Variants in MDGA2 observed in about 807,000 individuals in gnomAD.
The protein encoded by MDGA2 is MAM domain containing glycosylphosphatidylinositol anchor 2.
Under a neutral mutation model 117.8 loss-of-function variants are expected in MDGA2, and 40 were observed. That is an observed-to-expected ratio of 0.34 (90% CI 0.26 to 0.44). MDGA2 has a LOEUF of 0.44. Ranked by LOEUF, MDGA2 falls within the 20% of genes least tolerant of loss-of-function variation. The probability of loss-of-function intolerance (pLI) is 1.00; values close to 1 mark genes in which losing one functional copy is unlikely to be tolerated. For synonymous variants in MDGA2, 452 were observed against 439.0 expected, an observed-to-expected ratio of 1.03 and a Z score of -0.37; for missense variants, 1,123 against 1,250.6, an observed-to-expected ratio of 0.90 and a Z score of 1.54.
chr14:46,997,423 A>G (rs1887336416), intron 8 of MDGA2, among the ~76,000 whole-genome samples: 1 of 152,212 alleles, frequency 6.6e-6, no homozygotes. Flanking sequence ...AGAAATTACA[A>G]ATAAGCTTGT....
chr14:46,873,013 T>C (rs1882074300), intron 14 of MDGA2, among the ~76,000 whole-genome samples: 1 of 151,972 alleles, frequency 6.6e-6, no homozygotes, highest in Non-Finnish European at 1.5e-5. Context: ...CACACCAACG[T>C]TTCAAATATG....
At chr14:46,904,437 C>T (rs1164692197) in intron 10 of MDGA2, among the ~76,000 whole-genome samples, 1 of 150,790 alleles carries the variant, frequency 6.6e-6, no homozygotes, top group Non-Finnish European at 1.5e-5. Context: ...ATTATTGATA[C>T]TGGCATTAAT....
At chr14:46,931,249 T>C (rs539197706) in intron 9 of MDGA2, among the ~76,000 whole-genome samples, 166 of 151,756 alleles carry the variant, frequency 1.1e-3, no homozygotes, top group African/African-American at 3.8e-3. Flanking sequence ...CAAAATCTTT[T>C]TATTGAGATA....
intron 1 of MDGA2, among the ~76,000 whole-genome samples, chr14:47,323,280 T>A (rs1890044043): frequency 6.6e-6 from 1 of 150,998 alleles, no homozygotes. Context: ...AAATGACTTG[T>A]GGCTTGACTT....
intron 5 of MDGA2, among the ~76,000 whole-genome samples, chr14:47,113,176 A>C (rs914093845): frequency 6.6e-6 from 1 of 152,182 alleles, no homozygotes; most frequent in Non-Finnish European, 1.5e-5. Flanking sequence ...ATCAGAGAAT[A>C]CTATAAACAC....
At chr14:47,359,648 G>A (rs1891070810) in intron 1 of MDGA2, among the ~76,000 whole-genome samples, 1 of 143,162 alleles carries the variant, frequency 7.0e-6, no homozygotes, top group African/African-American at 2.7e-5. Flanking sequence ...CTACTCTGGA[G>A]GCTGAGGCAG....
At chr14:47,269,337 G>T (rs984899559) in intron 2 of MDGA2, among the ~76,000 whole-genome samples, 1 of 152,096 alleles carries the variant, frequency 6.6e-6, no homozygotes, top group Admixed American at 6.6e-5. Context: ...CATAAAGTCA[G>T]TTACTTTCTC....
At chr14:47,644,353 G>A (rs1897485563) in intron 1 of MDGA2, among the ~76,000 whole-genome samples, 1 of 152,148 alleles carries the variant, frequency 6.6e-6, no homozygotes. Flanking sequence ...TAAAGAAAAT[G>A]TGATATATAT....
intron 8 of MDGA2, among the ~76,000 whole-genome samples, chr14:46,997,583 C>T (rs529731830): frequency 2.0e-5 from 3 of 152,228 alleles, no homozygotes; most frequent in South Asian, 4.1e-4. Context: ...AAGAAACCCA[C>T]TAACCCCTGC....
intron 9 of MDGA2, among the ~76,000 whole-genome samples, chr14:46,940,564 GC>G (rs1159702715): frequency 2.6e-5 from 4 of 151,324 alleles, no homozygotes; most frequent in Non-Finnish European, 5.9e-5. Flanking sequence ...GGGGGTGGAG[GC>G]TGCAGTGAGC....
chr14:47,226,314 G>A (rs181784995), intron 2 of MDGA2, among the ~76,000 whole-genome samples: 6 of 151,970 alleles, frequency 3.9e-5, no homozygotes, highest in African/African-American at 1.2e-4. Flanking sequence ...CTCACTATGC[G>A]GAAAACAGAA....
At chr14:47,107,710 C>A (rs934900055) in intron 5 of MDGA2, among the ~76,000 whole-genome samples, 1 of 151,532 alleles carries the variant, frequency 6.6e-6, no homozygotes, top group African/African-American at 2.4e-5. Flanking sequence ...CAACTCCTTT[C>A]CTTCCTAGGC....
chr14:47,098,202 T>C (rs1467007614), intron 5 of MDGA2, among the ~76,000 whole-genome samples: 2 of 148,920 alleles, frequency 1.3e-5, no homozygotes, highest in Non-Finnish European at 3.0e-5. Context: ...AGTTGAGGAG[T>C]GTTTTACTCA....
chr14:47,112,115 G>C (rs1419941861), intron 5 of MDGA2, among the ~76,000 whole-genome samples: 1 of 151,768 alleles, frequency 6.6e-6, no homozygotes, highest in Non-Finnish European at 1.5e-5. Context: ...CAATGGCAAA[G>C]TTTATTCAAC....
intron 1 of MDGA2, among the ~76,000 whole-genome samples, chr14:47,453,473 G>A (rs4898568): frequency 0.32 from 48,875 of 151,802 alleles, 8,352 homozygotes; most frequent in East Asian, 0.58. Flanking sequence ...AAAGATAACC[G>A]AAATAAGTAT....
chr14:47,301,416 G>T lies in MDGA2; in HGVS notation c.415C>A (p.Pro139Thr), dbSNP rs1158174718. ...LTCLVTGHPR[P>T]QIRWTKTAGS... ...TGTCACAGTTCGGGACTCACCTGTGGACGTGGATGTCCTGTGACTAGACAA... is the reference window on the plus strand; with the variant it reads ...TGTCACAGTTCGGGACTCACCTGTGTACGTGGATGTCCTGTGACTAGACAA... Residue 139 changes from proline (P) to threonine (T), a missense_variant, in exon 2 of 17, where the codon CCA becomes ACA. This residue lies in a region of MDGA2 where 233 missense variants were observed against 200.3 expected (regional missense o/e 1.16). Transcript: ENST00000399232. 6.4e-7 allele frequency: 1 copy of T among 1,551,812 alleles called. No individual in the cohort carries two copies.
chr14:47,225,635 G>A (rs1331781006), intron 2 of MDGA2, among the ~76,000 whole-genome samples: 2 of 151,378 alleles, frequency 1.3e-5, no homozygotes, highest in South Asian at 4.2e-4. Context: ...ACACAGGAAG[G>A]GGAACATCAC....
At chr14:47,197,468 C>T (rs1158805686) in intron 3 of MDGA2, among the ~76,000 whole-genome samples, 1 of 152,070 alleles carries the variant, frequency 6.6e-6, no homozygotes, top group Non-Finnish European at 1.5e-5. Context: ...ATTTCCCAGA[C>T]TCCAGAACTG....
At chr14:47,009,799 T>C (rs748312751) in intron 8 of MDGA2, among the ~76,000 whole-genome samples, 5 of 151,960 alleles carry the variant, frequency 3.3e-5, no homozygotes, top group African/African-American at 9.7e-5. Context: ...GACAACACTT[T>C]AGCATTCCGT....
Sources: gnomAD v4.1 joint callset for allele counts (sites outside exome capture counted in the v4.1 genomes callset) on GRCh38, gnomAD v4.1.1 for gene constraint, gnomAD v4.1.1 regional missense constraint, MANE v1.5 for transcripts, NCBI Gene and HGNC (gene_info 2026-07-23, HGNC 2026-07-21) for gene names.